PBX1: variants seen among roughly 807,000 people sequenced by gnomAD.
PBX1 encodes PBX homeobox 1, also known as pre-B-cell leukemia transcription factor 1.
PBX1 carries 6 observed loss-of-function variants against 53.4 expected under a neutral mutation model. The ratio of observed to expected loss-of-function variants is 0.11; its 90% CI spans 0.06 to 0.22. The LOEUF is 0.22. Among genes scored for constraint, PBX1 ranks in the 10% least tolerant of loss-of-function variants. The pLI, the probability that PBX1 is intolerant of heterozygous loss-of-function variation, is 1.00. For missense variants in PBX1, 251 were observed against 551.4 expected (o/e 0.46, Z 5.46); for synonymous variants, 204 against 212.3 (o/e 0.96, Z 0.34).
chr1:164,784,530 TTTC>T (rs1396011590), intron 2 of PBX1, among the ~76,000 whole-genome samples: 3 of 152,288 alleles, frequency 2.0e-5, no homozygotes, highest in East Asian at 3.9e-4. Context: ...ACTTGGTGTG[TTTC>T]TCTAAAGACA....
At chr1:164,560,816 G>T (rs957558842) in intron 1 of PBX1, among the ~76,000 whole-genome samples, 1 of 152,172 alleles carries the variant, frequency 6.6e-6, no homozygotes, top group South Asian at 2.1e-4. Flanking sequence ...GGGGTGGGGG[G>T]ACAAAAATCA....
chr1:164,783,016 C>G (rs941776784), intron 2 of PBX1, among the ~76,000 whole-genome samples: 1 of 152,134 alleles, frequency 6.6e-6, no homozygotes, highest in Non-Finnish European at 1.5e-5. Flanking sequence ...AGATGACTTC[C>G]AGGCCAGCTC....
At chr1:164,819,895 C>T (rs1190277703) in intron 6 of PBX1, 177 bp from the exon 7 acceptor site, 1 of 567,186 alleles carries the variant, frequency 1.8e-6, no homozygotes, top group African/African-American at 1.9e-5. Flanking sequence ...ACAATATGCA[C>T]CCTTTATTGC....
chr1:164,618,294 CGGCGGG>C (rs1235788935), intron 2 of PBX1, among the ~76,000 whole-genome samples: 1,715 of 118,678 alleles, frequency 0.014, 55 homozygotes, highest in Middle Eastern at 0.052. Flanking sequence ...AGAATAATCA[CGGCGGG>C]GGGGGGGGGG....
intron 2 of PBX1, among the ~76,000 whole-genome samples, chr1:164,760,259 C>T (rs1311829604): frequency 7.2e-5 from 11 of 152,102 alleles, no homozygotes; most frequent in African/African-American, 2.2e-4. Context: ...TCCACCCTCT[C>T]CAAAATAGTG....
chr1:164,859,469 T>G (rs759623769), intron 2 of PBX1, among the ~76,000 whole-genome samples: 2 of 152,186 alleles, frequency 1.3e-5, no homozygotes, highest in African/African-American at 4.8e-5. Context: ...TTTAATGACA[T>G]AAAACCAGCT....
intron 2 of PBX1, among the ~76,000 whole-genome samples, chr1:164,690,695 C>T (rs1662417666): frequency 6.6e-6 from 1 of 151,468 alleles, no homozygotes; most frequent in Admixed American, 6.6e-5. Flanking sequence ...TAATACTCTA[C>T]TACCAGTAAT....
chr1:164,846,001 TA>T (rs1671552745), intron 8 of PBX1, among the ~76,000 whole-genome samples: 1 of 152,198 alleles, frequency 6.6e-6, no homozygotes, highest in South Asian at 2.1e-4. Flanking sequence ...CCTTGATTTA[TA>T]AGTTCATTCG....
At chr1:164,838,189 T>C (rs2102404727) in intron 8 of PBX1, among the ~76,000 whole-genome samples, 1 of 152,346 alleles carries the variant, frequency 6.6e-6, no homozygotes, top group Non-Finnish European at 1.5e-5. Flanking sequence ...TAGTAACTTC[T>C]AACAAGAGAG....
At chr1:164,671,051 TG>T (rs1187633426) in intron 2 of PBX1, among the ~76,000 whole-genome samples, 1 of 152,168 alleles carries the variant, frequency 6.6e-6, no homozygotes, top group African/African-American at 2.4e-5. Flanking sequence ...GTGCTCCTTA[TG>T]GGATGTGAGG....
At chr1:164,655,953 A>G (rs1660139551) in intron 2 of PBX1, among the ~76,000 whole-genome samples, 1 of 152,236 alleles carries the variant, frequency 6.6e-6, no homozygotes, top group Non-Finnish European at 1.5e-5. Context: ...ACAAGAAGGC[A>G]TGTAGGATAG....
intron 2 of PBX1, among the ~76,000 whole-genome samples, chr1:164,603,530 C>T (rs1656324344): frequency 6.6e-6 from 1 of 152,132 alleles, no homozygotes; most frequent in South Asian, 2.1e-4. Flanking sequence ...GATACATATA[C>T]AAATAAACAC....
In PBX1 at chr1:164,561,144, C is replaced by T. The variant is rs553797754; in HGVS notation, c.191+1131C>T. On this transcript the variant is annotated intron_variant, in intron 1 of 8. Coordinates refer to ENST00000420696, the MANE Select transcript of PBX1 (RefSeq NM_002585.4). The stretch of plus-strand genomic sequence containing the variant: ...CAATTACCCAGCTTTGTTATATCTC[C>T]GAAGTAGCGTTTTTCTCTTTGAAAA... Among the ~76,000 whole-genome samples the T allele has an allele frequency of 6.6e-5, 10 of 152,246 alleles. No homozygotes were observed. The East Asian group carries it at 9.7e-4, about 15-fold the overall frequency.
chr1:164,757,160 C>T (rs1220123217), intron 2 of PBX1, among the ~76,000 whole-genome samples: 1 of 152,064 alleles, frequency 6.6e-6, no homozygotes, highest in Non-Finnish European at 1.5e-5. Flanking sequence ...CATTGCCCCC[C>T]ATGGAAACTG....
chr1:164,762,052 C>T (rs558945665), intron 2 of PBX1, among the ~76,000 whole-genome samples: 5 of 152,326 alleles, frequency 3.3e-5, no homozygotes, highest in Admixed American at 2.6e-4. Flanking sequence ...CTTTGTTCCT[C>T]ACGTACTGTT....
At chr1:164,625,762 G>A (rs1427329154) in intron 2 of PBX1, among the ~76,000 whole-genome samples, 1 of 149,910 alleles carries the variant, frequency 6.7e-6, no homozygotes, top group East Asian at 2.0e-4. Context: ...CCACTTATTT[G>A]GTTTTTCTGC....
At position 164,792,514 on chromosome 1, in the gene PBX1, CAGG is replaced by C; in HGVS notation, c.294_296del (p.Glu99del). The C allele has an allele frequency of 6.2e-7, 1 of 1,613,982 alleles. No individual in the cohort carries two copies. ...TGTAGTTTTGAGTATCCGAGGAGCC[CAGG>C]AGGAGGAACCCACAGACCCCCAGCT... is the stretch of plus-strand genomic sequence containing the variant. On this transcript the variant is annotated inframe_deletion, in exon 3 of 9. Coordinates refer to ENST00000420696, the MANE Select transcript of PBX1 (RefSeq NM_002585.4).
chr1:164,851,082 A>G lies in PBX1; in HGVS notation c.*4406A>G, dbSNP rs377612148. 1 of 223,742 alleles carries G rather than the reference A, an allele frequency of 4.5e-6. No homozygotes were observed. 13.9% of individuals were successfully genotyped at this position (223,742 alleles called of 1,614,324 possible). A position where few individuals can be genotyped will look rare whatever the true frequency, so the allele number is the denominator to read the frequency against. On this transcript the variant is annotated 3_prime_UTR_variant, in exon 9 of 9. Coordinates refer to ENST00000420696, the MANE Select transcript of PBX1 (RefSeq NM_002585.4). ...TTAATGAGATATTGGGCCAGGCTCA[A>G]TGCTGTAGTTTTAATGCTAAGAGGT...
intron 2 of PBX1, among the ~76,000 whole-genome samples, chr1:164,616,504 A>T (rs1657290675): frequency 6.6e-6 from 1 of 152,248 alleles, no homozygotes; most frequent in Admixed American, 6.5e-5. Context: ...ATATACCAGT[A>T]AAATGAGTTT....
Sources: allele counts gnomAD v4.1 joint callset (sites outside exome capture counted in the v4.1 genomes callset), GRCh38; gene constraint gnomAD v4.1.1; transcripts MANE v1.5; gene names NCBI Gene and HGNC (gene_info 2026-07-23, HGNC 2026-07-21).